GULP1: variants seen among roughly 807,000 people sequenced by gnomAD.
The protein encoded by GULP1 is GULP PTB domain containing engulfment adaptor 1.
GULP1 carries 19 observed loss-of-function variants against 40.9 expected under a neutral mutation model. The ratio of observed to expected loss-of-function variants is 0.46; its 90% CI spans 0.32 to 0.68. The LOEUF is 0.68. Ranked by LOEUF, GULP1 falls within the 30% of genes least tolerant of loss-of-function variation. The pLI, the probability that GULP1 is intolerant of heterozygous loss-of-function variation, is 0.03. For synonymous variants in GULP1, 119 were observed against 117.6 expected (o/e 1.01, Z -0.08); for missense variants, 312 against 362.2 (o/e 0.86, Z 1.12).
intron 2 of GULP1, among the ~76,000 whole-genome samples, chr2:188,406,982 A>C (rs776414823): frequency 1.4e-4 from 22 of 152,154 alleles, no homozygotes; most frequent in Admixed American, 1.3e-4. Flanking sequence ...AAAATCAAAG[A>C]CAGAGAATCC....
At chr2:188,389,466 C>G (rs1285264113) in intron 2 of GULP1, among the ~76,000 whole-genome samples, 1 of 152,088 alleles carries the variant, frequency 6.6e-6, no homozygotes, top group African/African-American at 2.4e-5. Flanking sequence ...CTTACACTTT[C>G]CAGCAGTCAC....
At chr2:188,377,987 T>A (rs115838681) in intron 1 of GULP1, among the ~76,000 whole-genome samples, 2,744 of 152,256 alleles carry the variant, frequency 0.018, 84 homozygotes, top group African/African-American at 0.061. Flanking sequence ...ATCCGGTAAT[T>A]TCCATTCTCC....
chr2:188,339,561 T>C (rs113165169), intron 1 of GULP1, among the ~76,000 whole-genome samples: 3 of 152,144 alleles, frequency 2.0e-5, no homozygotes, highest in Admixed American at 2.0e-4. Flanking sequence ...TGTTGTCTCA[T>C]TGGGGAAGTT....
chr2:188,407,681 A>G (rs1023051130), intron 2 of GULP1, among the ~76,000 whole-genome samples: 3 of 152,192 alleles, frequency 2.0e-5, no homozygotes, highest in Admixed American at 6.5e-5. Flanking sequence ...AGAACATACT[A>G]CCAGAGAAAA....
In GULP1 at chr2:188,470,482, A is replaced by G. The variant is rs564063249; in HGVS notation, c.-44-7177A>G. Among the ~76,000 whole-genome samples, 5 of 152,106 alleles carry G rather than the reference A, an allele frequency of 3.3e-5. No homozygotes were observed. In the South Asian group the frequency reaches 6.2e-4, roughly 19 times the overall value. ...GAGTTTGGGTTGCTCTTGTTTTCCTAATTTTTAAGATGTATCATTAGGTTG... is the reference window on the plus strand; with the variant it reads ...GAGTTTGGGTTGCTCTTGTTTTCCTGATTTTTAAGATGTATCATTAGGTTG... On this transcript the variant is annotated intron_variant, in intron 2 of 11. Transcript: ENST00000409830.
intron 1 of GULP1, among the ~76,000 whole-genome samples, chr2:188,304,035 A>AT (rs2036611617): frequency 6.6e-6 from 1 of 152,184 alleles, no homozygotes; most frequent in Admixed American, 6.5e-5. Context: ...AGGGAGCCAC[A>AT]TTCTTGTGGG....
At chr2:188,431,365 T>A (rs560584042) in intron 2 of GULP1, among the ~76,000 whole-genome samples, 38 of 151,598 alleles carry the variant, frequency 2.5e-4, no homozygotes, top group African/African-American at 7.7e-4. Context: ...GAAAAAAAAA[T>A]GTTGAAGAAG....
intron 9 of GULP1, among the ~76,000 whole-genome samples, chr2:188,583,615 A>G (rs1380037094): frequency 6.6e-6 from 1 of 152,178 alleles, no homozygotes; most frequent in Non-Finnish European, 1.5e-5. Context: ...ACTGTATCAG[A>G]AAACTCAATG....
At chr2:188,328,148 C>T (rs1315076198) in intron 1 of GULP1, among the ~76,000 whole-genome samples, 1 of 152,096 alleles carries the variant, frequency 6.6e-6, no homozygotes, top group Admixed American at 6.6e-5. Flanking sequence ...TTACCTTTCA[C>T]AGGAAAAGGA....
At chr2:188,445,386 C>T (rs1056299457) in intron 2 of GULP1, among the ~76,000 whole-genome samples, 2 of 152,050 alleles carry the variant, frequency 1.3e-5, no homozygotes, top group Non-Finnish European at 2.9e-5. Context: ...GGCAGGAGAC[C>T]CAAATGGCTT....
intron 2 of GULP1, among the ~76,000 whole-genome samples, chr2:188,422,081 C>CT (rs1278413091): frequency 0.13 from 17,376 of 136,314 alleles, 1,177 homozygotes; most frequent in Non-Finnish European, 0.16. Flanking sequence ...GCTGGACACA[C>CT]TTTTTTTTTT....
intron 1 of GULP1, among the ~76,000 whole-genome samples, chr2:188,328,117 C>T (rs1032892499): frequency 6.6e-6 from 1 of 151,962 alleles, no homozygotes; most frequent in African/African-American, 2.4e-5. Context: ...AATTGGAGAG[C>T]AATCATAATA....
rs749393341 is a variant in GULP1, at chr2:188,321,970, G to A, written c.-172+29804G>A. ...GCGGAGGTTGCAGTGAGCCAAGATC[G>A]AGCAAGATTGTGCCATTGCACTCCA... On this transcript the variant is annotated intron_variant, in intron 1 of 11. Coordinates refer to ENST00000409830, the MANE Select transcript of GULP1 (RefSeq NM_016315.4). Among the ~76,000 whole-genome samples the A allele has an allele frequency of 4.6e-5, 7 of 152,014 alleles. No individual in the cohort carries two copies. In the East Asian group the frequency reaches 1.2e-3, roughly 25 times the overall value.
chr2:188,501,485 C>T (rs1195747727), intron 4 of GULP1, among the ~76,000 whole-genome samples: 1 of 151,898 alleles, frequency 6.6e-6, no homozygotes, highest in Admixed American at 6.6e-5. Flanking sequence ...TGGACTAATA[C>T]ACATACTTTG....
chr2:188,585,329 G>A (rs192325527), intron 10 of GULP1, among the ~76,000 whole-genome samples: 37 of 152,286 alleles, frequency 2.4e-4, no homozygotes, highest in African/African-American at 8.4e-4. Flanking sequence ...AAAGACAGTG[G>A]CCCTCTTCTC....
chr2:188,413,993 C>T (rs1230136480), intron 2 of GULP1, among the ~76,000 whole-genome samples: 14 of 152,018 alleles, frequency 9.2e-5, no homozygotes, highest in Non-Finnish European at 5.9e-5. Flanking sequence ...CCGAGGCTGG[C>T]GGATCACAAG....
rs577756711 is a variant in GULP1 at position 188,583,669 on chromosome 2, T to C, written c.610-596T>C. Among the ~76,000 whole-genome samples the C allele has an allele frequency of 3.3e-5, 5 of 152,324 alleles. No homozygotes were observed. The South Asian group carries it at 1.0e-3, about 32-fold the overall frequency. On this transcript the variant is annotated intron_variant, in intron 9 of 11. Coordinates refer to ENST00000409830, the MANE Select transcript of GULP1 (RefSeq NM_016315.4). ...CGATTATTAATTTAGTTTATAAGAT[T>C]GCTATTTATTACAGAAAACTTGATG... is the stretch of plus-strand genomic sequence containing the variant.
intron 4 of GULP1, among the ~76,000 whole-genome samples, chr2:188,510,729 G>T (rs1404226137): frequency 1.3e-5 from 2 of 151,196 alleles, no homozygotes; most frequent in African/African-American, 4.9e-5. Flanking sequence ...TGATTAAATT[G>T]CAATGAGAAT....
chr2:188,356,222 CA>C (rs2045297975), intron 1 of GULP1, among the ~76,000 whole-genome samples: 1 of 151,972 alleles, frequency 6.6e-6, no homozygotes, highest in South Asian at 2.1e-4. Context: ...AAAGGGCATC[CA>C]AATTGGAAAG....
Sources: allele counts gnomAD v4.1 joint callset (sites outside exome capture counted in the v4.1 genomes callset), GRCh38; gene constraint gnomAD v4.1.1; transcripts MANE v1.5; gene names NCBI Gene and HGNC (gene_info 2026-07-23, HGNC 2026-07-21).